PRKCH: variants seen among roughly 807,000 people sequenced by gnomAD.
PRKCH encodes the protein protein kinase C eta type.
A neutral mutation model predicts 82.5 loss-of-function variants in PRKCH; 28 were observed. That is an observed-to-expected ratio of 0.34 (90% CI 0.25 to 0.47). The LOEUF (loss-of-function observed/expected upper bound fraction) is 0.47. PRKCH is among the 20% of genes least tolerant of loss of function. PRKCH has a pLI of 1.00. For missense variants in PRKCH, 705 were observed against 881.8 expected, an observed-to-expected ratio of 0.80 and a Z score of 2.54; for synonymous variants, 322 against 327.4, an observed-to-expected ratio of 0.98 and a Z score of 0.18.
At chr14:61,296,889 TTTTAA>T (rs1381607007) in intron 1 of PRKCH, among the ~76,000 whole-genome samples, 1 of 152,226 alleles carries the variant, frequency 6.6e-6, no homozygotes, top group African/African-American at 2.4e-5. Flanking sequence ...TCATGAATTA[TTTTAA>T]TTTAACATGT....
At chr14:61,320,417 T>C (rs1455239518), upstream of PRKCH, among the ~76,000 whole-genome samples, 1 of 152,004 alleles carries the variant, frequency 6.6e-6, no homozygotes, top group African/African-American at 2.4e-5. Context: ...CTGACCAACA[T>C]GGAGAAACCC....
chr14:61,393,220 G>T (rs2046713801), intron 2 of PRKCH, among the ~76,000 whole-genome samples: 1 of 151,942 alleles, frequency 6.6e-6, no homozygotes, highest in African/African-American at 2.4e-5. Context: ...GTTCTTTTTT[G>T]TATGTTTAAG....
At chr14:61,258,628 T>G (rs2045019112) in intron 1 of PRKCH, among the ~76,000 whole-genome samples, 3 of 152,200 alleles carry the variant, frequency 2.0e-5, no homozygotes, top group Admixed American at 2.0e-4. Flanking sequence ...ACATAGATTT[T>G]TTATGATTTT....
chr14:61,452,939 T>C (rs1031363985), intron 6 of PRKCH: 13 of 421,778 alleles, frequency 3.1e-5, no homozygotes, highest in African/African-American at 6.2e-5. Context: ...CAGCAATGCC[T>C]GTTACATGTG....
At chr14:61,203,399 G>T (rs1220239503) in intron 1 of PRKCH, among the ~76,000 whole-genome samples, 1 of 152,164 alleles carries the variant, frequency 6.6e-6, no homozygotes, top group Non-Finnish European at 1.5e-5. Context: ...GGGAAAGCCA[G>T]CACAGAGAAG....
At chr14:61,459,052 G>T (rs1242602716) in intron 9 of PRKCH, among the ~76,000 whole-genome samples, 1 of 152,192 alleles carries the variant, frequency 6.6e-6, no homozygotes, top group Non-Finnish European at 1.5e-5. Flanking sequence ...CTGGAGCAGG[G>T]CATTCTGCTT....
At chr14:61,313,191 C>T (rs917642631) in intron 1 of PRKCH, among the ~76,000 whole-genome samples, 15 of 152,100 alleles carry the variant, frequency 9.9e-5, no homozygotes, top group East Asian at 3.9e-4. Flanking sequence ...ATGCTATTAC[C>T]GCAAAATAGT....
At chr14:61,367,244 G>A (rs1446730836) in intron 1 of PRKCH, among the ~76,000 whole-genome samples, 1 of 151,988 alleles carries the variant, frequency 6.6e-6, no homozygotes, top group Non-Finnish European at 1.5e-5. Flanking sequence ...TTCTCAAAGG[G>A]ATGTGCATCT....
rs542447324 is a variant in PRKCH at position 61,265,713 on chromosome 14, A to G, written c.-19+78045A>G. ...TTTAGTCTGGGCTTGAAAACATAAA[A>G]CTGCAATATTGCTACATTAGTGTAC... On this transcript the variant is annotated intron_variant, in intron 1 of 3. Coordinates refer to the PRKCH transcript ENST00000555185. Among the ~76,000 whole-genome samples, 28 of 152,216 alleles carry G rather than the reference A, an allele frequency of 1.8e-4. 1 individual carries two copies. In the South Asian group the frequency reaches 5.6e-3, roughly 30 times the overall value.
At chr14:61,475,038 C>G (rs1291230232) in intron 9 of PRKCH, among the ~76,000 whole-genome samples, 1 of 152,164 alleles carries the variant, frequency 6.6e-6, no homozygotes, top group Non-Finnish European at 1.5e-5. Flanking sequence ...TCCCACATGG[C>G]ATAAGTGTCG....
chr14:61,466,242 T>C (rs1885249694), intron 9 of PRKCH, among the ~76,000 whole-genome samples: 1 of 152,090 alleles, frequency 6.6e-6, no homozygotes, highest in African/African-American at 2.4e-5. Context: ...ACAATGGGGG[T>C]AGGAGGAATA....
chr14:61,428,067 A>ATAGG (rs1883204848), intron 2 of PRKCH, among the ~76,000 whole-genome samples: 1 of 77,184 alleles, frequency 1.3e-5, no homozygotes, highest in African/African-American at 4.1e-5. Context: ...AGATAGATAG[A>ATAGG]TAGATAGATA....
At chr14:61,218,386 C>G (rs2044630081) in intron 1 of PRKCH, among the ~76,000 whole-genome samples, 1 of 152,162 alleles carries the variant, frequency 6.6e-6, no homozygotes, top group Non-Finnish European at 1.5e-5. Context: ...CTGAGCTACC[C>G]CCTTTCTCAC....
At chr14:61,380,775 T>G (rs973420118) in intron 1 of PRKCH, among the ~76,000 whole-genome samples, 20 of 152,372 alleles carry the variant, frequency 1.3e-4, no homozygotes, top group African/African-American at 4.8e-4. Context: ...AGACCATTTC[T>G]ACCTTGAGCT....
At chr14:61,510,841 C>T (rs567550043) in intron 10 of PRKCH, among the ~76,000 whole-genome samples, 1 of 152,234 alleles carries the variant, frequency 6.6e-6, no homozygotes, top group African/African-American at 2.4e-5. Context: ...AATTTTCTGG[C>T]AGATGGCAGT....
intron 1 of PRKCH, among the ~76,000 whole-genome samples, chr14:61,368,866 G>T (rs944999416): frequency 6.6e-6 from 1 of 151,920 alleles, no homozygotes; most frequent in South Asian, 2.1e-4. Context: ...GTTATTTTTG[G>T]GGAATTGTTT....
intron 12 of PRKCH, among the ~76,000 whole-genome samples, chr14:61,546,934 G>T (rs2043265116): frequency 6.6e-6 from 1 of 152,174 alleles, no homozygotes; most frequent in South Asian, 2.1e-4. Flanking sequence ...TGGCTATTTT[G>T]TGAAAGCAGA....
chr14:61,470,923 C>T (rs538702131), intron 9 of PRKCH, among the ~76,000 whole-genome samples: 25 of 152,236 alleles, frequency 1.6e-4, no homozygotes, highest in African/African-American at 5.8e-4. Flanking sequence ...CTTCCTTGTT[C>T]TTCTGGCTCC....
At chr14:61,499,424 G>A (rs1393876554) in intron 10 of PRKCH, among the ~76,000 whole-genome samples, 2 of 152,152 alleles carry the variant, frequency 1.3e-5, no homozygotes, top group African/African-American at 4.8e-5. Context: ...CTGGAGAACA[G>A]TGTCCTGGGG....
Sources: gnomAD v4.1 joint callset for allele counts (sites outside exome capture counted in the v4.1 genomes callset) on GRCh38, gnomAD v4.1.1 for gene constraint, MANE v1.5 for transcripts, NCBI Gene and HGNC (gene_info 2026-07-23, HGNC 2026-07-21) for gene names.